Variants in MERTK observed in about 807,000 individuals in gnomAD.
MERTK encodes tyrosine-protein kinase Mer.
A neutral mutation model predicts 99.3 loss-of-function variants in MERTK; 69 were observed. That is an observed-to-expected ratio of 0.70 (90% confidence interval 0.57 to 0.85). The LOEUF is 0.85. MERTK is among the 40% of genes least tolerant of loss of function. MERTK has a pLI of 0.00. For synonymous variants in MERTK, 426 were observed against 467.6 expected, an observed-to-expected ratio of 0.91 and a Z score of 1.15; for missense variants, 1,125 against 1,249.4, an observed-to-expected ratio of 0.90 and a Z score of 1.50.
In MERTK at chr2:112,028,967, A is replaced by G; in HGVS notation, c.*103A>G. On this transcript the variant is annotated 3_prime_UTR_variant, in exon 19 of 19. Transcript: ENST00000295408. ...TGGTATTTGTCTTCCTTACCAAGTGAACTCCATGGCCCCAAAGCACCAGAT... is the reference window on the plus strand; with the variant it reads ...TGGTATTTGTCTTCCTTACCAAGTGGACTCCATGGCCCCAAAGCACCAGAT... The G allele has an allele frequency of 6.3e-7, 1 of 1,599,758 alleles. No individual in the cohort carries two copies.
At chr2:111,915,861 C>T (rs556740629) in intron 1 of MERTK, among the ~76,000 whole-genome samples, 1 of 152,286 alleles carries the variant, frequency 6.6e-6, no homozygotes, top group East Asian at 1.9e-4. Flanking sequence ...CACTATTGCA[C>T]TCTAGCCTGG....
chr2:111,912,169 A>AT (rs113080711), intron 1 of MERTK, among the ~76,000 whole-genome samples: 36,546 of 146,504 alleles, frequency 0.25, 4,725 homozygotes, highest in South Asian at 0.33. Context: ...TGCCCAGCTA[A>AT]TTTTTTTTTT....
chr2:111,922,309 G>A (rs1684474654), intron 1 of MERTK, among the ~76,000 whole-genome samples: 1 of 152,102 alleles, frequency 6.6e-6, no homozygotes, highest in African/African-American at 2.4e-5. Flanking sequence ...ACCTTGGGCT[G>A]TGATCACCAA....
chr2:111,920,470 A>C (rs947126925), intron 1 of MERTK, among the ~76,000 whole-genome samples: 5 of 151,894 alleles, frequency 3.3e-5, no homozygotes, highest in African/African-American at 9.7e-5. Context: ...ACATTCTCCA[A>C]GTGGCCCAAG....
chr2:111,951,974 C>G (rs1168774570), intron 4 of MERTK, among the ~76,000 whole-genome samples: 1 of 151,974 alleles, frequency 6.6e-6, no homozygotes, highest in African/African-American at 2.4e-5. Flanking sequence ...TGTATGTTTT[C>G]TCAAAATTAG....
chr2:111,924,989 A>G (rs1684527141), intron 1 of MERTK, among the ~76,000 whole-genome samples: 1 of 151,940 alleles, frequency 6.6e-6, no homozygotes, highest in African/African-American at 2.4e-5. Flanking sequence ...CGTAAGATGT[A>G]TTACAAAAGG....
At position 111,940,491 on chromosome 2, in the gene MERTK, A is replaced by G. The variant is rs1221784978; in HGVS notation, c.483-4469A>G. ...CAAAACCAAGAATATGTTTGTCTAA[A>G]GCAACAGGCAAGCCCTCTTTTGTTT... On this transcript the variant is annotated intron_variant, in intron 2 of 18. Coordinates refer to ENST00000295408, the MANE Select transcript of MERTK (RefSeq NM_006343.3). 8.6e-6 allele frequency: 5 copies of G among 579,898 alleles called. No individual in the cohort carries two copies. In the Admixed American group the frequency reaches 9.4e-5, roughly 11 times the overall value. 35.9% of individuals were successfully genotyped at this position (579,898 alleles called of 1,614,324 possible).
chr2:111,948,238 G>T (rs1573592649), intron 4 of MERTK, among the ~76,000 whole-genome samples: 1 of 152,126 alleles, frequency 6.6e-6, no homozygotes, highest in South Asian at 2.1e-4. Flanking sequence ...GCTGTTCTAG[G>T]CCTTCAGGAC....
intron 1 of MERTK, among the ~76,000 whole-genome samples, chr2:111,922,315 A>C (rs1480968958): frequency 6.6e-6 from 1 of 152,100 alleles, no homozygotes; most frequent in African/African-American, 2.4e-5. Flanking sequence ...GGCTGTGATC[A>C]CCAAGCTTCA....
intron 1 of MERTK, among the ~76,000 whole-genome samples, chr2:111,899,541 C>T (rs1471837182): frequency 9.2e-5 from 14 of 151,640 alleles, no homozygotes; most frequent in African/African-American, 3.4e-4. Context: ...AATTTGAGAC[C>T]GAGTCTCGCC....
intron 3 of MERTK, among the ~76,000 whole-genome samples, chr2:111,947,098 C>T (rs943659589): frequency 1.3e-5 from 2 of 152,126 alleles, no homozygotes; most frequent in African/African-American, 4.8e-5. Flanking sequence ...CATGGTGAAA[C>T]CCCATTTCTA....
intron 4 of MERTK, among the ~76,000 whole-genome samples, chr2:111,957,703 A>G (rs941577024): frequency 6.6e-6 from 1 of 152,156 alleles, no homozygotes; most frequent in African/African-American, 2.4e-5. Flanking sequence ...CTTGTAGTAC[A>G]TACTCAGTAA....
intron 4 of MERTK, among the ~76,000 whole-genome samples, chr2:111,948,860 T>G (rs34648366): frequency 0.52 from 79,425 of 151,606 alleles, 20,970 homozygotes; most frequent in Middle Eastern, 0.56. Flanking sequence ...CCCTGCAGTA[T>G]CTCCCTTCTG....
chr2:111,911,677 A>G (rs1334594475), intron 1 of MERTK, among the ~76,000 whole-genome samples: 1 of 136,096 alleles, frequency 7.3e-6, no homozygotes, highest in Non-Finnish European at 1.5e-5. Context: ...GGCATGAGCC[A>G]TAGCGCCCAG....
intron 18 of MERTK, among the ~76,000 whole-genome samples, chr2:112,023,210 C>T (rs371762082): frequency 5.3e-5 from 8 of 152,148 alleles, no homozygotes; most frequent in African/African-American, 1.7e-4. Flanking sequence ...GTCAGGAGTT[C>T]GAGACCATCC....
intron 2 of MERTK, among the ~76,000 whole-genome samples, chr2:111,936,873 T>C (rs1013119807): frequency 9.2e-5 from 14 of 152,288 alleles, no homozygotes; most frequent in African/African-American, 3.4e-4. Flanking sequence ...TAATTAGCTC[T>C]GATGTCTAGT....
chr2:111,898,662 C>G lies in MERTK; in HGVS notation c.-74C>G. The G allele has an allele frequency of 6.5e-7, 1 of 1,534,810 alleles. No homozygotes were observed. Among genetic ancestry groups the G allele is most frequent in the Non-Finnish European group, 8.9e-7 (1 of 1,129,450 alleles). On this transcript the variant is annotated 5_prime_UTR_variant, in exon 1 of 19. Coordinates refer to ENST00000295408, the MANE Select transcript of MERTK (RefSeq NM_006343.3). ...CAGGGAGCTTCGCTGGCGCGCTTGGCCGGCGACAGGACAGGTTCGGGACGT... is the reference window on the plus strand; with the variant it reads ...CAGGGAGCTTCGCTGGCGCGCTTGGGCGGCGACAGGACAGGTTCGGGACGT...
chr2:111,941,548 G>A (rs1684867382), intron 2 of MERTK, among the ~76,000 whole-genome samples: 1 of 152,084 alleles, frequency 6.6e-6, no homozygotes, highest in African/African-American at 2.4e-5. Context: ...TTCTGAGCCC[G>A]GAGCCTTTCT....
In MERTK at chr2:111,929,364, C is replaced by T. The variant is rs1266275209; in HGVS notation, c.306C>T (p.His102=). The T allele has an allele frequency of 6.2e-7, 1 of 1,614,144 alleles. No individual in the cohort carries two copies. Among genetic ancestry groups the T allele is most frequent in the Non-Finnish European group, 8.5e-7 (1 of 1,180,028 alleles). The change falls in exon 2 of 19, where the codon CAC becomes CAT. Residue 102 remains histidine (H), a synonymous_variant. Coordinates refer to ENST00000295408, the MANE Select transcript of MERTK (RefSeq NM_006343.3). ...PPLAFKHTVG[H]IILSEHKGVK... ...TTGCCTTCAAACACACAGTTGGACACATAATACTTTCTGAACATAAAGGTG... is the reference window on the plus strand; with the variant it reads ...TTGCCTTCAAACACACAGTTGGACATATAATACTTTCTGAACATAAAGGTG...
Sources: gnomAD v4.1 joint callset for allele counts (sites outside exome capture counted in the v4.1 genomes callset) on GRCh38, gnomAD v4.1.1 for gene constraint, MANE v1.5 for transcripts, NCBI Gene and HGNC (gene_info 2026-07-23, HGNC 2026-07-21) for gene names.